CCNG1: variants seen among roughly 807,000 people sequenced by gnomAD.
CCNG1 encodes the protein cyclin-G1.
Under a neutral mutation model 30.0 loss-of-function variants are expected in CCNG1, and 13 were observed. That is an observed-to-expected ratio of 0.43 (90% CI 0.28 to 0.69). CCNG1 has a LOEUF of 0.69. Among genes scored for constraint, CCNG1 ranks in the 30% least tolerant of loss-of-function variants. The probability of loss-of-function intolerance (pLI) is 0.16; values close to 1 mark genes in which losing one functional copy is unlikely to be tolerated. For synonymous variants in CCNG1, 110 were observed against 121.5 expected (o/e 0.91, Z 0.62); for missense variants, 285 against 331.4 (o/e 0.86, Z 1.09).
chr5:163,449,823 C>T (rs1321304340), downstream of CCNG1: 3 of 152,090 alleles, frequency 2.0e-5, no homozygotes, highest in Non-Finnish European at 2.9e-5. Flanking sequence ...GAGAGTTTTT[C>T]AACAGACGAT....
intron 6 of CCNG1, 132 bp from the exon 7 acceptor site, chr5:163,443,542 C>A (rs1757935169): frequency 3.4e-6 from 2 of 587,060 alleles, no homozygotes; most frequent in African/African-American, 1.9e-5. Context: ...CTACTCAAAA[C>A]TAAATGTTAA....
At chr5:163,438,098 C>A (rs1365798418) in intron 1 of CCNG1, among the ~76,000 whole-genome samples, 1 of 152,082 alleles carries the variant, frequency 6.6e-6, no homozygotes, top group African/African-American at 2.4e-5. Context: ...GCCTTCCTGT[C>A]TTTAGTTGGT....
Position 163,441,341 on chromosome 5 carries a change from C to A in CCNG1, c.518+10C>A. The A allele has an allele frequency of 6.2e-7, 1 of 1,610,572 alleles. No homozygotes were observed. The highest frequency in any genetic ancestry group is 2.2e-5 in the East Asian group (1 of 44,830). On this transcript the variant is annotated intron_variant, in intron 3 of 6. Transcript: ENST00000340828. The stretch of plus-strand genomic sequence containing the variant: ...ACTTGCCACTTGAAAGGTAAGTGAC[C>A]TTTGTTTTGAACAAGAGACATTTGG...
chr5:163,457,607 T>G, the CCNG1 span: 2 of 1,583,016 alleles, frequency 1.3e-6, no homozygotes, highest in Non-Finnish European at 8.7e-7. Flanking sequence ...TCAAAGAGTT[T>G]GCCCTGAAAA....
At chr5:163,455,491 C>T in the CCNG1 span, among the ~76,000 whole-genome samples, 1,180 of 152,194 alleles carry the variant, frequency 7.8e-3, 8 homozygotes, top group Middle Eastern at 0.027. Context: ...TGGCTGGGCG[C>T]GGTGGTTCAC....
the CCNG1 span, chr5:163,452,099 C>A: frequency 6.6e-6 from 1 of 151,388 alleles, no homozygotes; most frequent in African/African-American, 2.4e-5. Context: ...TCAGGTTTCT[C>A]ACTGGTACTG....
the CCNG1 span, chr5:163,452,455 C>A: frequency 6.6e-6 from 1 of 152,040 alleles, no homozygotes; most frequent in African/African-American, 2.4e-5. Flanking sequence ...TGGACTTCTA[C>A]CAGCCAAATG....
chr5:163,457,133 C>G, the CCNG1 span: 1 of 1,431,812 alleles, frequency 7.0e-7, no homozygotes, highest in South Asian at 1.3e-5. Context: ...AGTTCTTCAT[C>G]AAGTTGTTTT....
chr5:163,456,490 C>A, the CCNG1 span, among the ~76,000 whole-genome samples: 1 of 151,784 alleles, frequency 6.6e-6, no homozygotes, highest in Non-Finnish European at 1.5e-5. Flanking sequence ...AAAAAAGCAA[C>A]AAGAAGAACA....
At chr5:163,456,919 T>A in the CCNG1 span, 1 of 1,591,644 alleles carries the variant, frequency 6.3e-7, no homozygotes, top group Admixed American at 1.8e-5. Flanking sequence ...ATACACTTCA[T>A]CTGACTTACT....
At chr5:163,446,526 T>C (rs1758040678), downstream of CCNG1, 1 of 152,364 alleles carries the variant, frequency 6.6e-6, no homozygotes, top group East Asian at 1.9e-4. Context: ...TCAAGTGAAA[T>C]TGCTTGTATA....
downstream of CCNG1, chr5:163,448,899 C>T (rs1403217299): frequency 6.6e-6 from 1 of 152,170 alleles, no homozygotes; most frequent in Non-Finnish European, 1.5e-5. Flanking sequence ...GAAAATTCAG[C>T]ATCCACTCAT....
At chr5:163,445,490 G>T (rs1758017591), downstream of CCNG1, among the ~76,000 whole-genome samples, 1 of 152,066 alleles carries the variant, frequency 6.6e-6, no homozygotes. Context: ...GGTCACTCTT[G>T]TCACCCAGGC....
chr5:163,439,114 G>A (rs1757662290), intron 1 of CCNG1, 143 bp from the exon 2 acceptor site: 1 of 674,974 alleles, frequency 1.5e-6, no homozygotes, highest in South Asian at 1.9e-5. Context: ...ATAACAGATG[G>A]CACTTTGCAA....
At chr5:163,448,141 A>C (rs944519379), downstream of CCNG1, 67 of 152,014 alleles carry the variant, frequency 4.4e-4, no homozygotes, top group African/African-American at 1.6e-3. Flanking sequence ...TGGGTGATGA[A>C]GTGAGACCTG....
downstream of CCNG1, chr5:163,446,520 G>A (rs1339568699): frequency 1.3e-5 from 2 of 152,300 alleles, no homozygotes; most frequent in African/African-American, 4.8e-5. Flanking sequence ...TTGGACTCAA[G>A]TGAAATTGCT....
chr5:163,453,021 A>C, the CCNG1 span: 2 of 152,178 alleles, frequency 1.3e-5, no homozygotes, highest in African/African-American at 4.8e-5. Context: ...TGTCAACGTA[A>C]ATTTCCTGAT....
chr5:163,439,136 C>T, intron 1 of CCNG1, 121 bp from the exon 2 acceptor site: 1 of 812,962 alleles, frequency 1.2e-6, no homozygotes, highest in Non-Finnish European at 2.0e-6. Flanking sequence ...GACTTAGATG[C>T]ACTAGCCGCA....
At chr5:163,452,288 T>C in the CCNG1 span, 1 of 152,190 alleles carries the variant, frequency 6.6e-6, no homozygotes, top group Non-Finnish European at 1.5e-5. Flanking sequence ...TTTTAAATAT[T>C]ACTCACTAAA....
Sources: gnomAD v4.1 joint callset for allele counts (sites outside exome capture counted in the v4.1 genomes callset) on GRCh38, gnomAD v4.1.1 for gene constraint, MANE v1.5 for transcripts, NCBI Gene and HGNC (gene_info 2026-07-23, HGNC 2026-07-21) for gene names.